Variants in NRXN1 observed in about 807,000 individuals in gnomAD.
The protein encoded by NRXN1 is neurexin 1, also known as neurexin-1.
Under a neutral mutation model 150.9 loss-of-function variants are expected in NRXN1, and 39 were observed. The observed-to-expected ratio is 0.26, with a 90% confidence interval of 0.20 to 0.34. The LOEUF (loss-of-function observed/expected upper bound fraction) is 0.34, where lower values mean the gene tolerates loss of function less well. NRXN1 is among the 10% of genes least tolerant of loss of function. The pLI, the probability that NRXN1 is intolerant of heterozygous loss-of-function variation, is 1.00. For missense variants in NRXN1, 1,815 were observed against 1,949.9 expected (o/e 0.93, Z 1.30); for synonymous variants, 924 against 757.0 (o/e 1.22, Z -3.62).
intron 5 of NRXN1, among the ~76,000 whole-genome samples, chr2:50,797,288 C>T (rs574877824): frequency 5.2e-4 from 79 of 152,192 alleles, no homozygotes; most frequent in African/African-American, 1.3e-3. Flanking sequence ...AATGCAGCAA[C>T]GGCATTTGCA....
intron 9 of NRXN1, among the ~76,000 whole-genome samples, chr2:50,541,552 A>G (rs115912601): frequency 6.6e-6 from 1 of 152,316 alleles, no homozygotes; most frequent in Non-Finnish European, 1.5e-5. Flanking sequence ...AGAGAGTTCA[A>G]ATAAGTTATT....
chr2:50,038,508 C>A (rs1041780293), intron 21 of NRXN1, among the ~76,000 whole-genome samples: 42 of 152,302 alleles, frequency 2.8e-4, no homozygotes. Context: ...ACACACACAG[C>A]TGAACCTTCC....
chr2:50,315,582 C>T (rs1176140291), intron 17 of NRXN1, among the ~76,000 whole-genome samples: 1 of 152,058 alleles, frequency 6.6e-6, no homozygotes, highest in Non-Finnish European at 1.5e-5. Context: ...CAAATTGTCT[C>T]CTGTACAGTC....
At chr2:50,846,005 AC>A (rs1461223433) in intron 5 of NRXN1, among the ~76,000 whole-genome samples, 1 of 152,190 alleles carries the variant, frequency 6.6e-6, no homozygotes, top group Non-Finnish European at 1.5e-5. Context: ...TTTAGAGATT[AC>A]TGTTTCTGTG....
intron 18 of NRXN1, among the ~76,000 whole-genome samples, chr2:50,227,158 A>G (rs367884183): frequency 0.026 from 2,655 of 102,380 alleles, 86 homozygotes; most frequent in African/African-American, 0.093. Context: ...GTACACAAAG[A>G]CGGGAAAAAA....
chr2:50,700,410 G>A (rs1270631865), intron 5 of NRXN1, among the ~76,000 whole-genome samples: 1 of 152,070 alleles, frequency 6.6e-6, no homozygotes, highest in Non-Finnish European at 1.5e-5. Flanking sequence ...ACAAGATATG[G>A]TGTAAATGGC....
At chr2:51,018,198 G>T (rs1669039083) in intron 2 of NRXN1, among the ~76,000 whole-genome samples, 1 of 152,078 alleles carries the variant, frequency 6.6e-6, no homozygotes, top group African/African-American at 2.4e-5. Flanking sequence ...ATTAAATGAA[G>T]AAAGCCCTTC....
chr2:50,257,010 C>G (rs1015438829), intron 17 of NRXN1, among the ~76,000 whole-genome samples: 2 of 152,018 alleles, frequency 1.3e-5, no homozygotes, highest in African/African-American at 4.8e-5. Flanking sequence ...ATATTGACAG[C>G]AAAGGGTGTT....
intron 5 of NRXN1, among the ~76,000 whole-genome samples, chr2:50,733,234 G>A (rs925230414): frequency 5.9e-5 from 9 of 152,100 alleles, no homozygotes; most frequent in Non-Finnish European, 1.3e-4. Context: ...CCAGGCAATG[G>A]ATCAGTACAC....
At chr2:50,819,087 T>C (rs961009347) in intron 5 of NRXN1, among the ~76,000 whole-genome samples, 4 of 152,224 alleles carry the variant, frequency 2.6e-5, no homozygotes, top group Admixed American at 1.3e-4. Flanking sequence ...GAATGTAAAA[T>C]GGTGCAGCCA....
chr2:50,135,613 C>T (rs1032027944), intron 18 of NRXN1, among the ~76,000 whole-genome samples: 2 of 152,138 alleles, frequency 1.3e-5, no homozygotes, highest in Non-Finnish European at 2.9e-5. Flanking sequence ...CTGGCGTGAA[C>T]CTGGGAGTCA....
At chr2:50,939,498 T>C (rs1056002684) in intron 2 of NRXN1, among the ~76,000 whole-genome samples, 9 of 152,056 alleles carry the variant, frequency 5.9e-5, no homozygotes, top group South Asian at 2.1e-4. Flanking sequence ...TTTTATTGGA[T>C]AGGATGCAAA....
At position 50,925,938 on chromosome 2, in the gene NRXN1, C is replaced by A. The variant is rs868584739; in HGVS notation, c.790G>T (p.Gly264Cys). The A allele has an allele frequency of 6.4e-7, 1 of 1,573,606 alleles. No individual in the cohort carries two copies. The highest frequency in any genetic ancestry group is 8.6e-7 in the Non-Finnish European group (1 of 1,157,936). The change falls in exon 3 of 23, where the codon GGT becomes TGT. Residue 264 changes from glycine to cysteine, a missense_variant and splice_region_variant. Gly to Cys is a radical substitution (Grantham distance 159). Around this residue, in one of 6 missense-constraint regions of NRXN1, gnomAD observed 554 missense variants for 478.8 expected, o/e 1.16. Transcript: ENST00000401669. ...GAAAAATAAGGTAGAAAGCACCCAC[C>A]TTCCACATTGTTGTCTTCTGAAAGC... ...DCSQEDNNVE[G>C]LAHLMMGDQG...
intron 2 of NRXN1, among the ~76,000 whole-genome samples, chr2:50,942,573 G>A (rs568792451): frequency 6.6e-6 from 1 of 152,164 alleles, no homozygotes; most frequent in African/African-American, 2.4e-5. Flanking sequence ...TGAAGCCAGG[G>A]GAGATTATTT....
At chr2:49,952,204 C>A (rs1674091633) in intron 21 of NRXN1, among the ~76,000 whole-genome samples, 1 of 151,962 alleles carries the variant, frequency 6.6e-6, no homozygotes, top group Non-Finnish European at 1.5e-5. Flanking sequence ...CATCCCAAAC[C>A]ATCTTGTTCT....
chr2:50,671,536 C>G (rs1424548059), intron 5 of NRXN1, among the ~76,000 whole-genome samples: 1 of 151,520 alleles, frequency 6.6e-6, no homozygotes, highest in Non-Finnish European at 1.5e-5. Context: ...TTCATCCAGT[C>G]AGATAAATCA....
At chr2:50,770,373 T>C (rs1702870829) in intron 5 of NRXN1, among the ~76,000 whole-genome samples, 1 of 151,802 alleles carries the variant, frequency 6.6e-6, no homozygotes, top group Non-Finnish European at 1.5e-5. Context: ...TTTTCCCCTT[T>C]CAAGAACAAC....
intron 12 of NRXN1, among the ~76,000 whole-genome samples, chr2:50,523,038 A>G (rs1214527841): frequency 6.6e-6 from 1 of 151,662 alleles, no homozygotes; most frequent in Non-Finnish European, 1.5e-5. Flanking sequence ...CCCAGCCTCA[A>G]TTTCGATATT....
intron 18 of NRXN1, among the ~76,000 whole-genome samples, chr2:50,205,716 T>G (rs1045304337): frequency 1.3e-5 from 2 of 152,086 alleles, no homozygotes; most frequent in South Asian, 4.1e-4. Context: ...TATCCATGAA[T>G]TGATGAATGG....
Sources: allele counts gnomAD v4.1 joint callset (sites outside exome capture counted in the v4.1 genomes callset), GRCh38; gene constraint gnomAD v4.1.1; regional missense constraint gnomAD v4.1.1; transcripts MANE v1.5; gene names NCBI Gene and HGNC (gene_info 2026-07-23, HGNC 2026-07-21).